The following CUX2 variants were observed in gnomAD, a reference collection of about 807,000 sequenced individuals.
The protein encoded by CUX2 is cut like homeobox 2, also known as homeobox protein cut-like 2.
In CUX2, 40 loss-of-function variants were observed where a neutral mutation model predicts 144.8. The observed-to-expected ratio is 0.28, with a 90% CI of 0.21 to 0.36. The LOEUF (loss-of-function observed/expected upper bound fraction) is 0.36, where lower values mean the gene tolerates loss of function less well. Ranked by LOEUF, CUX2 falls within the 10% of genes least tolerant of loss-of-function variation. The probability of loss-of-function intolerance (pLI) is 1.00; values close to 1 mark genes in which losing one functional copy is unlikely to be tolerated. For synonymous variants in CUX2, 827 were observed against 875.6 expected, an observed-to-expected ratio of 0.94 and a Z score of 0.98; for missense variants, 1,615 against 1,994.0, an observed-to-expected ratio of 0.81 and a Z score of 3.62.
intron 16 of CUX2, among the ~76,000 whole-genome samples, chr12:111,315,277 A>G (rs1344863700): frequency 6.6e-6 from 1 of 152,216 alleles, no homozygotes; most frequent in Non-Finnish European, 1.5e-5. Context: ...AGGGGTTTAT[A>G]TATAAGCTGT....
At chr12:111,106,534 G>A (rs1004561618) in intron 1 of CUX2, among the ~76,000 whole-genome samples, 1 of 152,246 alleles carries the variant, frequency 6.6e-6, no homozygotes, top group Non-Finnish European at 1.5e-5. Flanking sequence ...TTGGGCTCAA[G>A]TAATCCTCTC....
chr12:111,163,211 A>G (rs554263150), intron 1 of CUX2, among the ~76,000 whole-genome samples: 2 of 152,322 alleles, frequency 1.3e-5, no homozygotes, highest in African/African-American at 2.4e-5. Context: ...GCTTAGAACT[A>G]TATCTGGCAT....
chr12:111,224,709 G>C (rs1230793596), intron 3 of CUX2, among the ~76,000 whole-genome samples: 1 of 151,950 alleles, frequency 6.6e-6, no homozygotes, highest in Non-Finnish European at 1.5e-5. Context: ...CAGCAGGGGA[G>C]GGCAGGGAGC....
chr12:111,327,412 A>G (rs1043441643), intron 18 of CUX2, among the ~76,000 whole-genome samples: 29 of 152,204 alleles, frequency 1.9e-4, no homozygotes, highest in South Asian at 1.0e-3. Flanking sequence ...TGGCTAGATC[A>G]TATGGTAACT....
At chr12:111,253,465 G>A (rs1489750495) in intron 3 of CUX2, among the ~76,000 whole-genome samples, 1 of 152,014 alleles carries the variant, frequency 6.6e-6, no homozygotes, top group Non-Finnish European at 1.5e-5. Flanking sequence ...AGCTCCCCAC[G>A]ACGCCTTCCC....
chr12:111,204,475 T>C (rs1197710062), intron 1 of CUX2, among the ~76,000 whole-genome samples: 2 of 152,210 alleles, frequency 1.3e-5, no homozygotes, highest in Non-Finnish European at 1.5e-5. Flanking sequence ...GGACCAGGCC[T>C]GGTCATGCTC....
At chr12:111,313,906 T>C (rs1455216474) in intron 16 of CUX2, among the ~76,000 whole-genome samples, 1 of 152,162 alleles carries the variant, frequency 6.6e-6, no homozygotes, top group Non-Finnish European at 1.5e-5. Context: ...GACCCTGGAC[T>C]CCGGTTTCAA....
At chr12:111,344,478 G>T (rs1193806832) in intron 21 of CUX2, among the ~76,000 whole-genome samples, 1 of 152,174 alleles carries the variant, frequency 6.6e-6, no homozygotes, top group Admixed American at 6.5e-5. Context: ...ACTCTCAAAA[G>T]AACTATCAAA....
At chr12:111,074,435 G>A (rs1399068092) in intron 1 of CUX2, among the ~76,000 whole-genome samples, 1 of 152,052 alleles carries the variant, frequency 6.6e-6, no homozygotes, top group African/African-American at 2.4e-5. Flanking sequence ...GGAAGATGGG[G>A]CAGGGAAACA....
At position 111,347,658 on chromosome 12, in the gene CUX2, C is replaced by T. The variant is rs1888867729; in HGVS notation, c.3794C>T (p.Thr1265Ile). The change falls in exon 22 of 22, where the codon ACT becomes ATT. Residue 1265 changes from threonine to isoleucine, a missense_variant. By Grantham distance (89) the Thr-to-Ile change is moderately conservative (BLOSUM62 -1). Transcript: ENST00000261726. ...DPTPQSPDSE[T>I]EDQKPTVKEL... is the part of the protein sequence containing the mutation. ...ACCCCGCAGAGCCCTGACTCTGAGA[C>T]TGAGGACCAGAAGCCAACCGTGAAG... 6.4e-7 allele frequency: 1 copy of T among 1,570,142 alleles called. No homozygotes were observed. Among genetic ancestry groups the T allele is most frequent in the South Asian group, 1.1e-5 (1 of 90,474 alleles).
chr12:111,310,351 G>A lies in CUX2; in HGVS notation c.1569G>A (p.Pro523=), dbSNP rs1042943962. Residue 523 remains proline, a synonymous_variant, in exon 15 of 22, where the codon CCG becomes CCA. Transcript: ENST00000261726. This position sits in a 1 kb window ranked among gnomAD's most constrained non-coding sequence, Gnocchi z 7.9. ...AGCCCCCCACAGCCCCTGCCACCCC[G>A]GCCCCTGGCCCTGAGCCACTGGGCG... The part of the protein sequence containing the change: ...GAKPPTAPAT[P]APGPEPLGGP... 15 of 1,561,908 alleles carry A rather than the reference G, an allele frequency of 9.6e-6. No individual in the cohort carries two copies. The highest frequency in any genetic ancestry group is 2.7e-5 in the African/African-American group (2 of 74,010).
chr12:111,305,796 T>C (rs1886549287), intron 10 of CUX2, among the ~76,000 whole-genome samples: 1 of 152,248 alleles, frequency 6.6e-6, no homozygotes, highest in Non-Finnish European at 1.5e-5. Flanking sequence ...TTTTTGCTCA[T>C]GAGAGCATGT....
intron 8 of CUX2, among the ~76,000 whole-genome samples, 155 bp from the exon 9 acceptor site, chr12:111,298,386 G>A (rs567332099): frequency 8.5e-5 from 13 of 152,200 alleles, no homozygotes; most frequent in African/African-American, 2.2e-4. Flanking sequence ...CCTTTTCCTC[G>A]AAGCCTAGGC....
At chr12:111,325,187 A>G (rs367865925) in intron 18 of CUX2, among the ~76,000 whole-genome samples, 1 of 151,710 alleles carries the variant, frequency 6.6e-6, no homozygotes, top group South Asian at 2.1e-4. Flanking sequence ...CCAGCTACTC[A>G]GGAGGCTGAG....
intron 1 of CUX2, among the ~76,000 whole-genome samples, chr12:111,112,512 A>G (rs994046899): frequency 6.6e-6 from 1 of 151,868 alleles, no homozygotes; most frequent in Non-Finnish European, 1.5e-5. Flanking sequence ...TGTTTCCTTA[A>G]TCTGTCTGGG....
At chr12:111,099,761 A>T in intron 1 of CUX2, 1 of 444,528 alleles carries the variant, frequency 2.2e-6, no homozygotes, top group Admixed American at 2.4e-5. Context: ...GTGTAAAATC[A>T]GACCCAGGCA....
chr12:111,092,653 G>C (rs900751107), intron 1 of CUX2, among the ~76,000 whole-genome samples: 1 of 152,070 alleles, frequency 6.6e-6, no homozygotes, highest in African/African-American at 2.4e-5. Flanking sequence ...CCCTGGTCCT[G>C]CCAGCGATTG....
chr12:111,278,632 C>T (rs949583482), intron 4 of CUX2, among the ~76,000 whole-genome samples: 1 of 152,178 alleles, frequency 6.6e-6, no homozygotes, highest in Non-Finnish European at 1.5e-5. Context: ...AGAGCCAGAG[C>T]AGGACCCAGG....
chr12:111,093,338 G>A (rs1872642477), intron 1 of CUX2, among the ~76,000 whole-genome samples: 1 of 152,134 alleles, frequency 6.6e-6, no homozygotes, highest in South Asian at 2.1e-4. Context: ...CGCCCAGGAG[G>A]GTGTCCTAGC....
Sources: gnomAD v4.1 joint callset for allele counts (sites outside exome capture counted in the v4.1 genomes callset) on GRCh38, gnomAD v4.1.1 for gene constraint, Gnocchi (gnomAD v3.1) non-coding constraint, MANE v1.5 for transcripts, NCBI Gene and HGNC (gene_info 2026-07-23, HGNC 2026-07-21) for gene names.